The following IKZF1 variants were observed in gnomAD, a reference collection of about 807,000 sequenced individuals.
IKZF1 encodes the protein IKAROS family zinc finger 1, also known as DNA-binding protein Ikaros.
IKZF1 carries 10 observed loss-of-function variants against 51.7 expected under a neutral mutation model. The ratio of observed to expected loss-of-function variants is 0.19; its 90% CI spans 0.12 to 0.33. The LOEUF (loss-of-function observed/expected upper bound fraction) is 0.33. Among genes scored for constraint, IKZF1 ranks in the 10% least tolerant of loss-of-function variants. The probability of loss-of-function intolerance (pLI) is 1.00; values close to 1 mark genes in which losing one functional copy is unlikely to be tolerated. For missense variants in IKZF1, 484 were observed against 707.5 expected (o/e 0.68, Z 3.58); for synonymous variants, 280 against 282.3 (o/e 0.99, Z 0.08).
chr7:50,356,448 C>CTG (rs371652535), intron 3 of IKZF1, among the ~76,000 whole-genome samples: 14 of 152,062 alleles, frequency 9.2e-5, no homozygotes, highest in Non-Finnish European at 1.5e-4. Flanking sequence ...CCAAGAAAGG[C>CTG]TGTGTGTGTG....
intron 1 of IKZF1, among the ~76,000 whole-genome samples, chr7:50,317,890 C>T (rs1489692725): frequency 6.6e-6 from 1 of 151,910 alleles, no homozygotes; most frequent in East Asian, 1.9e-4. Flanking sequence ...GAAAGCAGGC[C>T]ACAGCTCAGA....
At chr7:50,314,135 T>TC (rs1353763487) in intron 1 of IKZF1, among the ~76,000 whole-genome samples, 2 of 152,188 alleles carry the variant, frequency 1.3e-5, no homozygotes, top group African/African-American at 2.4e-5. Flanking sequence ...TTCTTTTTTT[T>TC]CATCTCGCTC....
intron 5 of IKZF1, among the ~76,000 whole-genome samples, chr7:50,383,381 T>C (rs1264078768): frequency 6.6e-6 from 1 of 152,236 alleles, no homozygotes; most frequent in East Asian, 1.9e-4. Context: ...CAAAACAGTC[T>C]CAGCCTGCAA....
intron 3 of IKZF1, among the ~76,000 whole-genome samples, chr7:50,362,429 A>G (rs952742473): frequency 1.3e-5 from 2 of 152,202 alleles, no homozygotes; most frequent in Non-Finnish European, 2.9e-5. Flanking sequence ...TTTCACCTTC[A>G]GTGGACTTGC....
At chr7:50,367,315 CGT>C (rs143406270) in intron 3 of IKZF1, among the ~76,000 whole-genome samples, 3,712 of 150,158 alleles carry the variant, frequency 0.025, 77 homozygotes, top group East Asian at 0.067. Context: ...AAAGATTGTG[CGT>C]GTGTGTGTGT....
At chr7:50,330,030 A>G (rs1784606113) in intron 3 of IKZF1, among the ~76,000 whole-genome samples, 1 of 152,034 alleles carries the variant, frequency 6.6e-6, no homozygotes, top group African/African-American at 2.4e-5. Flanking sequence ...TGGGTGGGAG[A>G]TCACCCAGTA....
intron 7 of IKZF1, among the ~76,000 whole-genome samples, chr7:50,395,178 A>C (rs890430352): frequency 6.6e-6 from 1 of 152,238 alleles, no homozygotes; most frequent in Non-Finnish European, 1.5e-5. Context: ...AAAGTAGAAA[A>C]GTATCATTCT....
At chr7:50,330,522 CG>C (rs1202717908) in intron 3 of IKZF1, among the ~76,000 whole-genome samples, 1 of 152,098 alleles carries the variant, frequency 6.6e-6, no homozygotes, top group Non-Finnish European at 1.5e-5. Context: ...TCCACAAGAC[CG>C]AAGTGCCCAA....
chr7:50,347,467 CTT>C (rs1800672636), intron 3 of IKZF1, among the ~76,000 whole-genome samples: 1 of 152,124 alleles, frequency 6.6e-6, no homozygotes, highest in Admixed American at 6.5e-5. Flanking sequence ...AAGTCATACT[CTT>C]TAAACCATTG....
rs767589278 is a variant in IKZF1, at chr7:50,400,322, G to T, written c.1255G>T (p.Ala419Ser). 6.2e-7 allele frequency: 1 copy of T among 1,612,802 alleles called. No homozygotes were observed. Among genetic ancestry groups the T allele is most frequent in the East Asian group, 2.2e-5 (1 of 44,842 alleles). Residue 419 changes from alanine (A) to serine (S), a missense_variant, in exon 8 of 8, where the codon GCC (alanine) becomes TCC (serine). Around this residue, in one of 6 missense-constraint regions of IKZF1, gnomAD observed 72 missense variants for 67.5 expected, o/e 1.07. Transcript: ENST00000331340. The surrounding 1 kb of genome is among the most constrained non-coding windows in gnomAD (Gnocchi z 5.4). ...TCTCATCTACCTGACCAACCACATC[G>T]CCCCGCACGCGCGCAACGGGCTGTC... The part of the protein sequence containing the change: ...SGLIYLTNHI[A>S]PHARNGLSLK...
chr7:50,304,174 C>T (rs1562692444), upstream of IKZF1: 1 of 149,418 alleles, frequency 6.7e-6, no homozygotes, highest in Non-Finnish European at 1.5e-5. Context: ...GAGCCCGGCG[C>T]GATTGCAAAG....
intron 1 of IKZF1, among the ~76,000 whole-genome samples, chr7:50,306,535 C>T (rs929634927): frequency 7.2e-5 from 11 of 152,180 alleles, no homozygotes; most frequent in African/African-American, 2.7e-4. Flanking sequence ...AATAATCACC[C>T]ACCCTCAGGG....
At chr7:50,393,683 G>C (rs761585174) in intron 7 of IKZF1, among the ~76,000 whole-genome samples, 1 of 152,206 alleles carries the variant, frequency 6.6e-6, no homozygotes, top group Non-Finnish European at 1.5e-5. Flanking sequence ...TTCCTGAACG[G>C]AGTAGGAGTG....
At chr7:50,387,598 G>C in intron 6 of IKZF1, 128 bp downstream of exon 6, 1 of 1,361,952 alleles carries the variant, frequency 7.3e-7, no homozygotes, top group Non-Finnish European at 9.6e-7. Context: ...TAGGAGGGAG[G>C]GAAGTTTTTG....
At chr7:50,309,238 A>G (rs373650987) in intron 1 of IKZF1, among the ~76,000 whole-genome samples, 3 of 152,208 alleles carry the variant, frequency 2.0e-5, no homozygotes, top group South Asian at 2.1e-4. Flanking sequence ...TTCTTCTGCA[A>G]TCAGCTCACT....
intron 3 of IKZF1, among the ~76,000 whole-genome samples, chr7:50,333,539 G>A (rs1045504335): frequency 6.6e-5 from 10 of 152,152 alleles, no homozygotes; most frequent in Admixed American, 1.3e-4. Flanking sequence ...CTTCTGAACC[G>A]ATAAACCCCA....
chr7:50,400,306 C>T lies in IKZF1; in HGVS notation c.1239C>T (p.Tyr413=), dbSNP rs1189227354. Residue 413 remains tyrosine (Y), a synonymous_variant, in exon 8 of 8, where the codon TAC becomes TAT. Coordinates refer to ENST00000331340, the MANE Select transcript of IKZF1 (RefSeq NM_006060.6). The surrounding 1 kb of genome is among the most constrained non-coding windows in gnomAD (Gnocchi z 5.4). ...NNEEQRSGLI[Y]LTNHIAPHAR... ...AGGAGCAGCGCAGCGGTCTCATCTA[C>T]CTGACCAACCACATCGCCCCGCACG... is the stretch of plus-strand genomic sequence containing the variant. 3.1e-6 allele frequency: 5 copies of T among 1,612,950 alleles called. No individual in the cohort carries two copies. Among genetic ancestry groups the T allele is most frequent in the Non-Finnish European group, 2.5e-6 (3 of 1,179,716 alleles).
chr7:50,368,174 C>T (rs1296578515), intron 3 of IKZF1: 1 of 703,342 alleles, frequency 1.4e-6, no homozygotes, highest in Non-Finnish European at 2.6e-6. Flanking sequence ...ATTAAATATT[C>T]ACTGTTCTAT....
chr7:50,390,840 A>AT (rs1449755558), intron 6 of IKZF1, among the ~76,000 whole-genome samples: 1 of 151,438 alleles, frequency 6.6e-6, no homozygotes, highest in Non-Finnish European at 1.5e-5. Flanking sequence ...ATAGAGATGG[A>AT]TACCCTACTG....
Sources: gnomAD v4.1 joint callset for allele counts (sites outside exome capture counted in the v4.1 genomes callset) on GRCh38, gnomAD v4.1.1 for gene constraint, gnomAD v4.1.1 regional missense constraint, Gnocchi (gnomAD v3.1) non-coding constraint, MANE v1.5 for transcripts, NCBI Gene and HGNC (gene_info 2026-07-23, HGNC 2026-07-21) for gene names.